Variants in POLA1 observed in about 807,000 individuals in gnomAD.
The protein encoded by POLA1 is DNA polymerase alpha catalytic subunit.
POLA1 carries 15 observed loss-of-function variants against 124.0 expected under a neutral mutation model. That is an observed-to-expected ratio of 0.12 (90% CI 0.08 to 0.19). The LOEUF (loss-of-function observed/expected upper bound fraction) is 0.19. POLA1 is among the 10% of genes least tolerant of loss of function. POLA1 has a pLI of 1.00. For synonymous variants in POLA1, 408 were observed against 389.4 expected (o/e 1.05, Z -0.56); for missense variants, 886 against 1,103.4 (o/e 0.80, Z 2.79).
intron 34 of POLA1, among the ~76,000 whole-genome samples, chrX:24,852,525 A>T: frequency 9.0e-6 from 1 of 110,533 alleles, no homozygotes; most frequent in Non-Finnish European, 1.9e-5. Context: ...GGTCAGGCTG[A>T]TCTCGAACTC....
At chrX:24,863,785 GAGA>G (rs1397855468) in intron 34 of POLA1, among the ~76,000 whole-genome samples, 5 of 110,791 alleles carry the variant, frequency 4.5e-5, no homozygotes. Context: ...GCTCCATATT[GAGA>G]AGTTTTTCCT....
At chrX:24,861,462 C>T (rs1245735459) in intron 34 of POLA1, among the ~76,000 whole-genome samples, 3 of 112,772 alleles carry the variant, frequency 2.7e-5, no homozygotes, top group African/African-American at 6.4e-5. Context: ...GTCACACTCT[C>T]TAGAAGGATC....
intron 26 of POLA1, among the ~76,000 whole-genome samples, chrX:24,774,471 C>A (rs1259715620): frequency 8.9e-6 from 1 of 111,861 alleles, no homozygotes; most frequent in African/African-American, 3.2e-5. Context: ...GTACTCTTGT[C>A]GCTTTATTCG....
At position 24,810,714 on chromosome X, in the gene POLA1, C is replaced by G; in HGVS notation, c.3004C>G (p.Leu1002Val). ...AATTTTTGCTTTTCATCAGATGAAT[C>G]TTGAAGTTATTTATGGAGATACAGA... The part of the protein sequence containing the change: ...HTKEMVQKMN[L>V]EVIYGDTDSI... Residue 1002 changes from leucine to valine, a missense_variant, in exon 28 of 37, where the codon CTT becomes GTT. Leu to Val is a conservative substitution (Grantham distance 32). Around this residue, in one of 7 missense-constraint regions of POLA1, gnomAD observed 313 missense variants for 359.7 expected, o/e 0.87. Transcript: ENST00000379068. The G allele has an allele frequency of 1.0e-6, 1 of 994,633 alleles. No homozygotes were observed. The highest frequency in any genetic ancestry group is 2.6e-4 in the Middle Eastern group (1 of 3,825). The allele number at this position is 994,633 out of a possible 1,213,427, so 82.0% of individuals were successfully genotyped here. A position where few individuals can be genotyped will look rare whatever the true frequency, so the allele number is the denominator to read the frequency against.
At chrX:24,995,540 C>G (rs186002836) in intron 36 of POLA1, among the ~76,000 whole-genome samples, 10 of 112,059 alleles carry the variant, frequency 8.9e-5, no homozygotes, top group Non-Finnish European at 5.6e-5. Flanking sequence ...TGAGGGTGCA[C>G]CTGCAGTTCA....
chrX:24,801,924 GGTGTGT>G (rs35938897), intron 26 of POLA1, among the ~76,000 whole-genome samples: 61 of 74,531 alleles, frequency 8.2e-4, no homozygotes, highest in East Asian at 3.8e-3. Context: ...GAGGTGGGTG[GGTGTGT>G]GTGTGTGTGT....
At position 24,887,965 on chromosome X, in the gene POLA1, T is replaced by C. The variant is rs2047086536; in HGVS notation, c.4048-41T>C. On this transcript the variant is annotated intron_variant, in intron 34 of 36. Coordinates refer to ENST00000379068, the MANE Select transcript of POLA1 (RefSeq NM_001330360.2). ...CCAAAAAAAGGTTTATTACTTGTAT[T>C]TGTCGATGGTGATAAGTCTGAAGTT... The C allele has an allele frequency of 3.7e-6, 3 of 809,459 alleles. No homozygotes were observed. In the East Asian group the frequency reaches 9.4e-5, roughly 25 times the overall value. 66.7% of individuals were successfully genotyped at this position (809,459 alleles called of 1,213,427 possible).
At chrX:24,774,276 C>A (rs183780351) in intron 26 of POLA1, among the ~76,000 whole-genome samples, 5 of 111,577 alleles carry the variant, frequency 4.5e-5, no homozygotes, top group African/African-American at 1.6e-4. Flanking sequence ...CAGCTTGATT[C>A]AGTTTTACAG....
chrX:24,873,869 C>T (rs768607820), intron 34 of POLA1, among the ~76,000 whole-genome samples: 2 of 111,606 alleles, frequency 1.8e-5, no homozygotes, highest in South Asian at 3.8e-4. Context: ...GTTAAAAATA[C>T]CACTAAACTA....
chrX:24,849,848 T>G, intron 34 of POLA1, among the ~76,000 whole-genome samples: 1 of 111,189 alleles, frequency 9.0e-6, no homozygotes, highest in Non-Finnish European at 1.9e-5. Context: ...GCCAGGATGG[T>G]CTCAATCTCC....
At chrX:24,702,719 G>T (rs1378114535) in intron 2 of POLA1, among the ~76,000 whole-genome samples, 2 of 112,513 alleles carry the variant, frequency 1.8e-5, no homozygotes, top group Non-Finnish European at 3.7e-5. Context: ...TTTGCCTGTA[G>T]AATATGCAAT....
chrX:24,846,587 C>T (rs932841587), intron 34 of POLA1, among the ~76,000 whole-genome samples: 4 of 111,595 alleles, frequency 3.6e-5, no homozygotes, highest in South Asian at 7.5e-4. Context: ...TGAAAGATTC[C>T]GTTTTACAGT....
intron 35 of POLA1, among the ~76,000 whole-genome samples, chrX:24,918,237 G>A (rs921589047): frequency 2.8e-5 from 3 of 106,995 alleles, no homozygotes; most frequent in African/African-American, 1.0e-4. Flanking sequence ...ACCATTTCTC[G>A]AATATTCCTA....
intron 30 of POLA1, among the ~76,000 whole-genome samples, chrX:24,821,205 A>G (rs750613688): frequency 3.4e-4 from 38 of 111,778 alleles, no homozygotes; most frequent in Non-Finnish European, 6.0e-4. Flanking sequence ...ATCATGTGAT[A>G]TGGCCCATTA....
intron 32 of POLA1, among the ~76,000 whole-genome samples, chrX:24,835,669 A>G (rs1601786739): frequency 1.8e-5 from 2 of 110,316 alleles, no homozygotes; most frequent in East Asian, 5.6e-4. Context: ...TCCTGGTGGT[A>G]TCTTTTAACA....
intron 26 of POLA1, among the ~76,000 whole-genome samples, chrX:24,806,610 G>T (rs1009488879): frequency 9.0e-6 from 1 of 111,484 alleles, no homozygotes; most frequent in Admixed American, 9.5e-5. Context: ...TGCTAGTGAG[G>T]CCCACTGAAA....
chrX:24,850,861 C>T lies in POLA1; in HGVS notation c.4047+7184C>T, dbSNP rs146788527. On this transcript the variant is annotated intron_variant, in intron 34 of 36. Coordinates refer to ENST00000379068, the MANE Select transcript of POLA1 (RefSeq NM_001330360.2). ...TAATTATCACTGTTCCAATCTGAGA[C>T]ATAGTGAATGAACATGGCTCAGCTG... Among the ~76,000 whole-genome samples, 1,028 of 112,222 alleles carry T rather than the reference C, an allele frequency of 9.2e-3. 6 individuals are homozygous for T. The highest frequency in any genetic ancestry group is 0.013 in the Non-Finnish European group (707 of 53,183).
chrX:24,810,400 T>C (rs2045879009), intron 27 of POLA1, among the ~76,000 whole-genome samples: 1 of 111,458 alleles, frequency 9.0e-6, no homozygotes, highest in Non-Finnish European at 1.9e-5. Context: ...CCTAGTCTTT[T>C]ATTCTCTTTT....
intron 35 of POLA1, among the ~76,000 whole-genome samples, chrX:24,892,631 A>G (rs1372617087): frequency 8.9e-6 from 1 of 111,873 alleles, no homozygotes; most frequent in Non-Finnish European, 1.9e-5. Flanking sequence ...TGTTGTTGTT[A>G]TTATTATTAA....
Sources: gnomAD v4.1 joint callset for allele counts (sites outside exome capture counted in the v4.1 genomes callset) on GRCh38, gnomAD v4.1.1 for gene constraint, gnomAD v4.1.1 regional missense constraint, MANE v1.5 for transcripts, NCBI Gene and HGNC (gene_info 2026-07-23, HGNC 2026-07-21) for gene names.